LY6S: variants seen among roughly 807,000 people sequenced by gnomAD.
The protein encoded by LY6S is lymphocyte antigen 6 family member S, also known as lymphocyte antigen 6S.
the LY6S span, among the ~76,000 whole-genome samples, chr8:143,068,105 G>A: frequency 0.038 from 5,789 of 152,262 alleles, 303 homozygotes; most frequent in East Asian, 0.15. Flanking sequence ...CTGTCTCAGT[G>A]GGGGGAAACC....
At chr8:143,061,555 G>T in the LY6S span, among the ~76,000 whole-genome samples, 152,054 of 152,336 alleles carry the variant, frequency 1, 75,888 homozygotes, top group Middle Eastern at 1. Flanking sequence ...TTTGTTTGTT[G>T]GTTTTTGAGA....
chr8:143,048,470 C>CT, the LY6S span, among the ~76,000 whole-genome samples: 106 of 124,492 alleles, frequency 8.5e-4, no homozygotes, highest in Non-Finnish European at 1.1e-3. Flanking sequence ...ACAAAATTTT[C>CT]TTTTTTTTTT....
At chr8:143,057,196 G>T in the LY6S span, 1 of 322,668 alleles carries the variant, frequency 3.1e-6, no homozygotes, top group Non-Finnish European at 6.1e-6. Context: ...AATATTCCGG[G>T]ACTGGCTTTG....
the LY6S span, among the ~76,000 whole-genome samples, chr8:143,070,471 ATATAAATATATATATATAT>A: frequency 5.6e-5 from 2 of 35,938 alleles, no homozygotes; most frequent in African/African-American, 1.7e-4. Flanking sequence ...TATAATATAT[ATATAAATATATATATATAT>A]TTTTTTTTTT....
chr8:143,042,837 C>A, the LY6S span: 2 of 407,288 alleles, frequency 4.9e-6, no homozygotes, highest in Non-Finnish European at 9.6e-6. Flanking sequence ...CCCAAGCAGC[C>A]AGTGGTGGGG....
the LY6S span, among the ~76,000 whole-genome samples, chr8:143,068,567 A>G: frequency 6.6e-6 from 1 of 152,118 alleles, no homozygotes; most frequent in Non-Finnish European, 1.5e-5. Context: ...ACCAAGAGCC[A>G]ATTAAACCTC....
the LY6S span, among the ~76,000 whole-genome samples, chr8:143,073,435 G>A: frequency 7.0e-6 from 1 of 143,658 alleles, no homozygotes; most frequent in Non-Finnish European, 1.5e-5. Flanking sequence ...GTCGTCCTCG[G>A]GGTTCCTGTT....
the LY6S span, among the ~76,000 whole-genome samples, chr8:143,070,489 A>ATTTTTTTTTTTTTTTTT: frequency 7.3e-5 from 6 of 81,708 alleles, no homozygotes; most frequent in South Asian, 3.6e-4. Context: ...ATATATATAT[A>ATTTTTTTTTTTTTTTTT]TTTTTTTTTT....
the LY6S span, among the ~76,000 whole-genome samples, chr8:143,071,527 G>T: frequency 6.6e-6 from 1 of 152,218 alleles, no homozygotes; most frequent in African/African-American, 2.4e-5. Context: ...TGAATGCAAA[G>T]TGTGATTAAT....
chr8:143,057,990 C>G, the LY6S span, among the ~76,000 whole-genome samples: 1 of 152,170 alleles, frequency 6.6e-6, no homozygotes, highest in Non-Finnish European at 1.5e-5. Flanking sequence ...CAAATCTTGG[C>G]AGCCCACAGA....
At chr8:143,072,686 G>A in the LY6S span, among the ~76,000 whole-genome samples, 1 of 138,700 alleles carries the variant, frequency 7.2e-6, no homozygotes, top group African/African-American at 2.7e-5. Context: ...CGTCGTCCCC[G>A]GGGTCCCTGT....
chr8:143,066,529 G>A, the LY6S span: 94 of 282,234 alleles, frequency 3.3e-4, no homozygotes, highest in Non-Finnish European at 5.0e-4. Flanking sequence ...GCAGCGAATC[G>A]GCTGCACATG....
At chr8:143,072,721 G>T in the LY6S span, among the ~76,000 whole-genome samples, 2 of 127,394 alleles carry the variant, frequency 1.6e-5, no homozygotes, top group African/African-American at 6.0e-5. Context: ...GTCGTCCTCG[G>T]GATTCCTGTT....
the LY6S span, chr8:143,042,895 CA>C: frequency 1.4e-6 from 1 of 736,540 alleles, no homozygotes; most frequent in South Asian, 1.5e-5. Flanking sequence ...TGTTGGGGGG[CA>C]TGGGCTGGAG....
At chr8:143,057,711 T>G in the LY6S span, 4 of 805,130 alleles carry the variant, frequency 5.0e-6, no homozygotes, top group Non-Finnish European at 6.8e-6. Context: ...CGTTGTTTAA[T>G]GACCTCAAAG....
the LY6S span, among the ~76,000 whole-genome samples, chr8:143,069,584 C>T: frequency 1.3e-5 from 2 of 152,186 alleles, no homozygotes; most frequent in Admixed American, 1.3e-4. Context: ...TCCAGGTGAA[C>T]TGGGACCCAA....
chr8:143,048,470 CTTT>C, the LY6S span, among the ~76,000 whole-genome samples: 965 of 124,464 alleles, frequency 7.8e-3, 7 homozygotes, highest in African/African-American at 0.027. Context: ...ACAAAATTTT[CTTT>C]TTTTTTTTTT....
At chr8:143,073,841 C>T in the LY6S span, among the ~76,000 whole-genome samples, 12 of 140,208 alleles carry the variant, frequency 8.6e-5, no homozygotes, top group African/African-American at 3.2e-4. Context: ...CCGTCGTCCC[C>T]GGGGTCCCTG....
chr8:143,070,479 ATATATATATATTTT>A, the LY6S span, among the ~76,000 whole-genome samples: 455 of 85,990 alleles, frequency 5.3e-3, 27 homozygotes, highest in African/African-American at 0.028. Context: ...ATATATAAAT[ATATATATATATTTT>A]TTTTTTTTTT....
Sources: gnomAD v4.1 joint callset for allele counts (sites outside exome capture counted in the v4.1 genomes callset) on GRCh38, gnomAD v4.1.1 for gene constraint, MANE v1.5 for transcripts, NCBI Gene and HGNC (gene_info 2026-07-23, HGNC 2026-07-21) for gene names.